Variants in EPHB2 observed in about 807,000 individuals in gnomAD.
EPHB2 encodes EPH receptor B2, also known as ephrin type-B receptor 2.
A neutral mutation model predicts 96.4 loss-of-function variants in EPHB2; 18 were observed. The ratio of observed to expected loss-of-function variants is 0.19; its 90% CI spans 0.13 to 0.28. The LOEUF (loss-of-function observed/expected upper bound fraction) is 0.28. EPHB2 is among the 10% of genes least tolerant of loss of function. The pLI, the probability that EPHB2 is intolerant of heterozygous loss-of-function variation, is 1.00. For synonymous variants in EPHB2, 506 were observed against 534.1 expected (o/e 0.95, Z 0.72); for missense variants, 989 against 1,355.4 (o/e 0.73, Z 4.25).
At chr1:22,755,364 A>G (rs1487818390) in intron 1 of EPHB2, among the ~76,000 whole-genome samples, 2 of 152,160 alleles carry the variant, frequency 1.3e-5, no homozygotes, top group Non-Finnish European at 2.9e-5. Flanking sequence ...TTAAAAACAA[A>G]GACCGAAAAA....
intron 1 of EPHB2, among the ~76,000 whole-genome samples, chr1:22,712,732 C>T (rs1643187169): frequency 6.6e-6 from 1 of 152,198 alleles, no homozygotes; most frequent in Non-Finnish European, 1.5e-5. Context: ...GAGGGCAGCC[C>T]TGGGGCCTGG....
rs1343679962 is a variant in EPHB2 at position 22,912,375 on chromosome 1, AG to A, written c.2697-67del. 11 of 1,604,064 alleles carry A rather than the reference AG, an allele frequency of 6.9e-6. No homozygotes were observed. In the African/African-American group the frequency reaches 1.5e-4, roughly 21 times the overall value. On this transcript the variant is annotated intron_variant, in intron 14 of 15. Transcript: ENST00000374630. ...GCACATTCACGCATACGCAGCCTAC[AG>A]GCATGTCCCTGCACGCTCCCTGCAA... is the stretch of plus-strand genomic sequence containing the variant.
intron 3 of EPHB2, among the ~76,000 whole-genome samples, chr1:22,850,294 G>T (rs1334530578): frequency 6.6e-6 from 1 of 152,208 alleles, no homozygotes; most frequent in East Asian, 1.9e-4. Context: ...GAGGGCCAGG[G>T]TTCTGGGCCC....
chr1:22,817,876 G>A (rs571343874), intron 3 of EPHB2, among the ~76,000 whole-genome samples: 2 of 152,312 alleles, frequency 1.3e-5, no homozygotes, highest in South Asian at 4.1e-4. Context: ...TAAAGGGCGG[G>A]ACGGGAAGAG....
At chr1:22,814,942 C>G (rs1350829150) in intron 3 of EPHB2, among the ~76,000 whole-genome samples, 1 of 152,216 alleles carries the variant, frequency 6.6e-6, no homozygotes, top group Admixed American at 6.5e-5. Context: ...TGCCTGTAAC[C>G]ATGGAGACAG....
chr1:22,841,824 C>G (rs28649787), intron 3 of EPHB2, among the ~76,000 whole-genome samples: 77,463 of 152,016 alleles, frequency 0.51, 19,837 homozygotes, highest in Middle Eastern at 0.59. Context: ...TGAAGGCCTG[C>G]TGTCTCCAGG....
At chr1:22,811,119 G>C (rs1414882073) in intron 3 of EPHB2, among the ~76,000 whole-genome samples, 3 of 152,166 alleles carry the variant, frequency 2.0e-5, no homozygotes, top group Non-Finnish European at 4.4e-5. Context: ...AATGAGAGGG[G>C]TTGGAAAGAT....
At position 22,784,448 on chromosome 1, in the gene EPHB2, G is replaced by A. The variant is rs914200915; in HGVS notation, c.183G>A (p.Val61=). The change falls in exon 3 of 16, where the codon GTG becomes GTA. Residue 61 remains valine, a synonymous_variant. Transcript: ENST00000374630. The surrounding 1 kb of genome is among the most constrained non-coding windows in gnomAD (Gnocchi z 5.1). ...ENMNTIRTYQ[V]CNVFESSQNN... Reference sequence around the variant, plus strand: ...TGAACACGATCCGCACGTACCAGGTGTGCAACGTGTTTGAGTCAAGCCAGA... The same window carrying A: ...TGAACACGATCCGCACGTACCAGGTATGCAACGTGTTTGAGTCAAGCCAGA... The A allele has an allele frequency of 6.2e-7, 1 of 1,614,096 alleles. No homozygotes were observed. The highest frequency in any genetic ancestry group is 1.3e-5 in the African/African-American group (1 of 74,940).
At chr1:22,723,372 T>G (rs1179062855) in intron 1 of EPHB2, among the ~76,000 whole-genome samples, 2 of 152,222 alleles carry the variant, frequency 1.3e-5, no homozygotes, top group Non-Finnish European at 2.9e-5. Flanking sequence ...TCCTCTTGCC[T>G]GTCTCCGTCA....
At chr1:22,734,918 A>G (rs1352998401) in intron 1 of EPHB2, among the ~76,000 whole-genome samples, 1 of 152,168 alleles carries the variant, frequency 6.6e-6, no homozygotes, top group Non-Finnish European at 1.5e-5. Flanking sequence ...AATGAATACA[A>G]CTTTGTTTTA....
intron 3 of EPHB2, among the ~76,000 whole-genome samples, chr1:22,831,978 C>A (rs1051643370): frequency 6.6e-6 from 1 of 152,196 alleles, no homozygotes; most frequent in South Asian, 2.1e-4. Flanking sequence ...GGGAGGGGTA[C>A]TGGGGAGAGG....
chr1:22,897,201 A>G (rs1443726721), intron 9 of EPHB2, among the ~76,000 whole-genome samples: 1 of 152,234 alleles, frequency 6.6e-6, no homozygotes, highest in African/African-American at 2.4e-5. Flanking sequence ...CTGAAGGGCC[A>G]GAGAGAAAAG....
intron 3 of EPHB2, among the ~76,000 whole-genome samples, chr1:22,845,883 C>T (rs1299927435): frequency 6.6e-6 from 1 of 152,156 alleles, no homozygotes; most frequent in Non-Finnish European, 1.5e-5. Context: ...GGCTGTTGGC[C>T]AGAGATCACT....
chr1:22,716,406 A>G (rs1397792343), intron 1 of EPHB2, among the ~76,000 whole-genome samples: 1 of 151,048 alleles, frequency 6.6e-6, no homozygotes, highest in African/African-American at 2.4e-5. Flanking sequence ...ATCTCGGTTC[A>G]CTGTAACCTC....
At chr1:22,886,544 G>A (rs1406982877) in intron 6 of EPHB2, among the ~76,000 whole-genome samples, 6 of 152,114 alleles carry the variant, frequency 3.9e-5, no homozygotes, top group African/African-American at 1.2e-4. Flanking sequence ...GCTCCCAGGG[G>A]ACGCTAAGTG....
intron 3 of EPHB2, among the ~76,000 whole-genome samples, chr1:22,799,531 T>A (rs1227036532): frequency 6.6e-6 from 1 of 152,204 alleles, no homozygotes; most frequent in East Asian, 1.9e-4. Context: ...AGAAAGTGTC[T>A]GCACAGCACC....
At chr1:22,789,226 GA>G (rs1272445117) in intron 3 of EPHB2, among the ~76,000 whole-genome samples, 1 of 152,208 alleles carries the variant, frequency 6.6e-6, no homozygotes, top group Non-Finnish European at 1.5e-5. Context: ...TGGGGCAGTG[GA>G]ACATTAGCAG....
At position 22,784,997 on chromosome 1, in the gene EPHB2, C is replaced by T. The variant is rs761772326; in HGVS notation, c.732C>T (p.Asp244=). ...DVPIKLYCNG[D]GEWLVPIGRC... Reference sequence around the variant, plus strand: ...CCATCAAGCTCTACTGTAACGGGGACGGCGAGTGGCTGGTGCCCATCGGGC... The same window carrying T: ...CCATCAAGCTCTACTGTAACGGGGATGGCGAGTGGCTGGTGCCCATCGGGC... The change falls in exon 3 of 16, where the codon GAC becomes GAT. Residue 244 remains aspartate, a synonymous_variant. Transcript: ENST00000374630. The surrounding 1 kb of genome is among the most constrained non-coding windows in gnomAD (Gnocchi z 5.1). The T allele has an allele frequency of 5.0e-5, 81 of 1,613,906 alleles. 1 individual carries two copies. In the Admixed American group the frequency reaches 1.1e-3, roughly 22 times the overall value.
chr1:22,758,510 G>C (rs1035052937), intron 1 of EPHB2, among the ~76,000 whole-genome samples: 2 of 152,030 alleles, frequency 1.3e-5, no homozygotes, highest in African/African-American at 4.8e-5. Context: ...CATGAGCACT[G>C]CCTCCCTGGG....
Sources: gnomAD v4.1 joint callset for allele counts (sites outside exome capture counted in the v4.1 genomes callset) on GRCh38, gnomAD v4.1.1 for gene constraint, Gnocchi (gnomAD v3.1) non-coding constraint, MANE v1.5 for transcripts, NCBI Gene and HGNC (gene_info 2026-07-23, HGNC 2026-07-21) for gene names.